RYR3: variants seen among roughly 807,000 people sequenced by gnomAD.
The protein encoded by RYR3 is ryanodine receptor 3.
In RYR3, 207 loss-of-function variants were observed where a neutral mutation model predicts 584.3. That is an observed-to-expected ratio of 0.35 (90% CI 0.32 to 0.40). The LOEUF is 0.40. RYR3 is among the 10% of genes least tolerant of loss of function. The pLI, the probability that RYR3 is intolerant of heterozygous loss-of-function variation, is 1.00. For missense variants in RYR3, 5,616 were observed against 6,089.2 expected, an observed-to-expected ratio of 0.92 and a Z score of 2.59; for synonymous variants, 2,416 against 2,248.5, an observed-to-expected ratio of 1.07 and a Z score of -2.11.
intron 31 of RYR3, among the ~76,000 whole-genome samples, chr15:33,651,962 G>A (rs2152687802): frequency 6.6e-6 from 1 of 152,298 alleles, no homozygotes; most frequent in African/African-American, 2.4e-5. Flanking sequence ...CAGCTCACCT[G>A]GGATGTGAAA....
At chr15:33,713,412 C>G (rs8040310) in intron 43 of RYR3, among the ~76,000 whole-genome samples, 126,184 of 151,648 alleles carry the variant, frequency 0.83, 52,552 homozygotes, top group South Asian at 0.9. Context: ...ATGGTGGTGG[C>G]TGATGATGAT....
chr15:33,680,477 A>G (rs1566940043), intron 38 of RYR3, among the ~76,000 whole-genome samples: 1 of 152,198 alleles, frequency 6.6e-6, no homozygotes, highest in Non-Finnish European at 1.5e-5. Context: ...GCTGGCAGAA[A>G]GATGGTGGCT....
intron 42 of RYR3, among the ~76,000 whole-genome samples, chr15:33,704,676 G>A (rs2066560893): frequency 1.3e-5 from 2 of 152,208 alleles, no homozygotes; most frequent in African/African-American, 4.8e-5. Flanking sequence ...GGGTCTTTTT[G>A]GACAAGGCAA....
At chr15:33,315,006 T>C (rs954337512) in intron 1 of RYR3, among the ~76,000 whole-genome samples, 1 of 152,104 alleles carries the variant, frequency 6.6e-6, no homozygotes, top group Admixed American at 6.5e-5. Flanking sequence ...TTGCATTAGT[T>C]TCAATTAAAG....
intron 36 of RYR3, among the ~76,000 whole-genome samples, chr15:33,664,122 A>G (rs927507731): frequency 6.6e-6 from 1 of 152,268 alleles, no homozygotes. Context: ...TACCAACAGA[A>G]TAGGGTCAAC....
At chr15:33,790,596 C>T (rs751459711) in intron 67 of RYR3, among the ~76,000 whole-genome samples, 33 of 152,062 alleles carry the variant, frequency 2.2e-4, no homozygotes, top group Non-Finnish European at 4.1e-4. Context: ...CACTTTCAGA[C>T]GTGTTGAAAT....
At position 33,859,566 on chromosome 15, in the gene RYR3, C is replaced by A; in HGVS notation, c.14143-9C>A. 1.2e-6 allele frequency: 2 copies of A among 1,612,748 alleles called. No homozygotes were observed. Among genetic ancestry groups the A allele is most frequent in the Non-Finnish European group, 1.7e-6 (2 of 1,179,470 alleles). ...TTTTGCCTAAATCCCCCTTATTTTTCTTCTCTAGTGTTACCTTTTCCACAT... is the reference window on the plus strand; with the variant it reads ...TTTTGCCTAAATCCCCCTTATTTTTATTCTCTAGTGTTACCTTTTCCACAT... On this transcript the variant is annotated splice_polypyrimidine_tract_variant and intron_variant, in intron 99 of 103. Coordinates refer to ENST00000634891, the MANE Select transcript of RYR3 (RefSeq NM_001036.6).
At chr15:33,672,364 G>A (rs1044267285) in intron 38 of RYR3, among the ~76,000 whole-genome samples, 6 of 152,196 alleles carry the variant, frequency 3.9e-5, no homozygotes. Flanking sequence ...GCACACCCGA[G>A]AGGCCAGCCC....
At chr15:33,458,622 C>G (rs559570381) in intron 1 of RYR3, among the ~76,000 whole-genome samples, 13 of 152,112 alleles carry the variant, frequency 8.5e-5, no homozygotes, top group Admixed American at 7.2e-4. Flanking sequence ...TTCATGATTC[C>G]CTAGTTCTGG....
At chr15:33,646,239 A>T in intron 28 of RYR3, 112 bp from the exon 29 acceptor site, 2 of 867,238 alleles carry the variant, frequency 2.3e-6, no homozygotes, top group Non-Finnish European at 3.6e-6. Context: ...GACACAACTT[A>T]CTTCTGTAGT....
intron 1 of RYR3, among the ~76,000 whole-genome samples, chr15:33,388,399 T>G (rs1276849691): frequency 6.6e-6 from 1 of 152,152 alleles, no homozygotes; most frequent in African/African-American, 2.4e-5. Context: ...GAATCCCAGG[T>G]TGACAGCTGA....
intron 1 of RYR3, among the ~76,000 whole-genome samples, chr15:33,380,582 A>G (rs754488905): frequency 1.3e-5 from 2 of 152,194 alleles, no homozygotes; most frequent in East Asian, 3.9e-4. Flanking sequence ...CACAGGCTGC[A>G]CTTAGTATCA....
intron 55 of RYR3, among the ~76,000 whole-genome samples, chr15:33,749,101 T>C (rs2071030097): frequency 6.6e-6 from 1 of 152,186 alleles, no homozygotes; most frequent in South Asian, 2.1e-4. Context: ...GCAGAACGCA[T>C]GGTTAAGGAA....
intron 75 of RYR3, 73 bp from the exon 76 acceptor site, chr15:33,818,505 C>G: frequency 8.9e-7 from 1 of 1,122,904 alleles, no homozygotes. Flanking sequence ...TTTACCTTCT[C>G]TTTGTTCGCA....
intron 1 of RYR3, among the ~76,000 whole-genome samples, chr15:33,458,556 G>A (rs1365843660): frequency 6.6e-6 from 1 of 152,170 alleles, no homozygotes; most frequent in Non-Finnish European, 1.5e-5. Flanking sequence ...TTTCTCTGGA[G>A]AACCATGACT....
chr15:33,592,858 G>A (rs137859724), intron 16 of RYR3, among the ~76,000 whole-genome samples: 33 of 152,340 alleles, frequency 2.2e-4, no homozygotes, highest in African/African-American at 7.9e-4. Flanking sequence ...GGACGTGCCC[G>A]TGACAGAGCC....
chr15:33,865,308 T>C lies in RYR3; in HGVS notation c.*82T>C, dbSNP rs1197733506. On this transcript the variant is annotated 3_prime_UTR_variant, in exon 104 of 104. Coordinates refer to ENST00000634891, the MANE Select transcript of RYR3 (RefSeq NM_001036.6). ...CCCCTTTTTACAGTTCTGCAACATA[T>C]CTGAAATGTGACATTTTCTAAATGC... 48 of 912,652 alleles carry C rather than the reference T, an allele frequency of 5.3e-5. No individual in the cohort carries two copies. In the East Asian group the frequency reaches 7.1e-4, roughly 13 times the overall value. The allele number at this position is 912,652 out of a possible 1,614,324, so 56.5% of individuals were successfully genotyped here. A position where few individuals can be genotyped will look rare whatever the true frequency, so the allele number is the denominator to read the frequency against.
chr15:33,444,238 T>C (rs2046442126), intron 1 of RYR3, among the ~76,000 whole-genome samples: 3 of 152,238 alleles, frequency 2.0e-5, no homozygotes. Context: ...TATTCTGCTC[T>C]GGGAGCAAAA....
intron 3 of RYR3, among the ~76,000 whole-genome samples, chr15:33,504,802 C>CT (rs1448890799): frequency 6.6e-6 from 1 of 152,170 alleles, no homozygotes; most frequent in Non-Finnish European, 1.5e-5. Context: ...TGCCAGTTCT[C>CT]TTTTGCCTCT....
Sources: allele counts gnomAD v4.1 joint callset (sites outside exome capture counted in the v4.1 genomes callset), GRCh38; gene constraint gnomAD v4.1.1; transcripts MANE v1.5; gene names NCBI Gene and HGNC (gene_info 2026-07-23, HGNC 2026-07-21).